WNT5B: variants seen among roughly 807,000 people sequenced by gnomAD.
WNT5B encodes the protein Wnt family member 5B, also known as protein Wnt-5b.
In WNT5B, 18 loss-of-function variants were observed where a neutral mutation model predicts 36.5. That is an observed-to-expected ratio of 0.49 (90% confidence interval 0.34 to 0.73). WNT5B has a LOEUF of 0.73. Among genes scored for constraint, WNT5B ranks in the 30% least tolerant of loss-of-function variants. The probability of loss-of-function intolerance (pLI) is 0.01; values close to 1 mark genes in which losing one functional copy is unlikely to be tolerated. For missense variants in WNT5B, 424 were observed against 508.4 expected (o/e 0.83, Z 1.60); for synonymous variants, 213 against 212.3 (o/e 1.00, Z -0.03).
At chr12:1,631,100 A>G in intron 1 of WNT5B, 198 bp from the exon 2 acceptor site, 1 of 389,330 alleles carries the variant, frequency 2.6e-6, no homozygotes, top group Non-Finnish European at 4.6e-6. Flanking sequence ...CAGGGTTCCC[A>G]CAGTTTGGGG....
rs766237184 is a variant in WNT5B at position 1,632,944 on chromosome 12, C to A, written c.328+39C>A. The A allele has an allele frequency of 1.9e-5, 30 of 1,570,232 alleles. No individual in the cohort carries two copies. The highest frequency in any genetic ancestry group is 2.5e-5 in the Non-Finnish European group (29 of 1,153,368). ...ACAAGAGGGCTCGGCCAAGGAACTG[C>A]ACTCGTCTCGTTTGGGAGCAATTAA... On this transcript the variant is annotated intron_variant, in intron 3 of 4. Coordinates refer to ENST00000397196, the MANE Select transcript of WNT5B (RefSeq NM_032642.3). This position sits in a 1 kb window ranked among gnomAD's most constrained non-coding sequence, Gnocchi z 5.8.
At chr12:1,636,533 A>ATT (rs1555159034) in intron 3 of WNT5B, among the ~76,000 whole-genome samples, 1 of 32,884 alleles carries the variant, frequency 3.0e-5, no homozygotes, top group African/African-American at 1.1e-4. Flanking sequence ...ATATATATAT[A>ATT]TATATATACT....
chr12:1,621,094 G>A (rs1434105973), intron 1 of WNT5B, among the ~76,000 whole-genome samples: 1 of 141,648 alleles, frequency 7.1e-6, no homozygotes, highest in African/African-American at 2.6e-5. Flanking sequence ...ATTTGTTAGA[G>A]AAAAAGAGGT....
In WNT5B at chr12:1,646,030, C is replaced by G; in HGVS notation, c.858C>G (p.Asp286Glu). 6.2e-7 allele frequency: 1 copy of G among 1,613,136 alleles called. No homozygotes were observed. The highest frequency in any genetic ancestry group is 8.5e-7 in the Non-Finnish European group (1 of 1,179,998). ...EDLVYVDPSP[D>E]YCLRNESTGS... The stretch of plus-strand genomic sequence containing the variant: ...TGGTCTATGTGGACCCCAGCCCCGA[C>G]TACTGCCTGCGCAACGAGAGCACGG... Residue 286 changes from aspartate (D) to glutamate (E), a missense_variant, in exon 5 of 5, where the codon GAC (aspartate) becomes GAG (glutamate). Physicochemically the swap from Asp to Glu is conservative, Grantham distance 45 (BLOSUM62 2). Transcript: ENST00000397196.
chr12:1,622,194 T>G (rs1227959421), intron 1 of WNT5B, among the ~76,000 whole-genome samples: 2 of 147,164 alleles, frequency 1.4e-5, no homozygotes, highest in African/African-American at 2.5e-5. Context: ...CACTGCAAGC[T>G]CCGCTTCCCG....
At position 1,647,157 on chromosome 12, in the gene WNT5B, C is replaced by T. The variant is rs546038065; in HGVS notation, c.*905C>T. The T allele has an allele frequency of 3.1e-4, 48 of 152,452 alleles. No homozygotes were observed. The highest frequency in any genetic ancestry group is 1.1e-3 in the African/African-American group (47 of 41,586). 9.4% of individuals were successfully genotyped at this position (152,452 alleles called of 1,614,324 possible). ...GTCAGGCTGGCGGGCCCGGCGTGCT[C>T]ATCATCTCTGCCCCAGGTGTACGGT... On this transcript the variant is annotated 3_prime_UTR_variant, in exon 5 of 5. Transcript: ENST00000397196.
At chr12:1,622,398 TTA>T (rs1216924140) in intron 1 of WNT5B, among the ~76,000 whole-genome samples, 3 of 152,292 alleles carry the variant, frequency 2.0e-5, no homozygotes, top group African/African-American at 7.2e-5. Flanking sequence ...CATTTTTACA[TTA>T]TCTTATTAAG....
intron 1 of WNT5B, among the ~76,000 whole-genome samples, chr12:1,623,463 G>A (rs1188527492): frequency 6.6e-6 from 1 of 151,968 alleles, no homozygotes; most frequent in African/African-American, 2.4e-5. Flanking sequence ...CCAAAGTGCT[G>A]GGATTACAGG....
intron 1 of WNT5B, among the ~76,000 whole-genome samples, chr12:1,620,361 C>T (rs1453335560): frequency 6.6e-6 from 1 of 152,206 alleles, no homozygotes; most frequent in Non-Finnish European, 1.5e-5. Context: ...CTTGCTTCTT[C>T]TCAATATTAT....
Position 1,631,449 on chromosome 12 carries a change from C to A in WNT5B, c.80+15C>A. 6.2e-7 allele frequency: 1 copy of A among 1,614,044 alleles called. No individual in the cohort carries two copies. The highest frequency in any genetic ancestry group is 8.5e-7 in the Non-Finnish European group (1 of 1,180,004). Reference sequence around the variant, plus strand: ...AACTCCTGGTGGTGAGTAAGAGGGGCTGAGGTCCTGCCTGCACAGCCGGAG... The same window carrying A: ...AACTCCTGGTGGTGAGTAAGAGGGGATGAGGTCCTGCCTGCACAGCCGGAG... On this transcript the variant is annotated intron_variant, in intron 2 of 4. Transcript: ENST00000397196.
intron 3 of WNT5B, among the ~76,000 whole-genome samples, chr12:1,638,906 C>G (rs148621840): frequency 4.6e-5 from 7 of 152,166 alleles, no homozygotes; most frequent in African/African-American, 1.4e-4. Flanking sequence ...GCTCATAGAG[C>G]GTGAGAAATG....
rs1463791266 is a variant in WNT5B at position 1,645,826 on chromosome 12, A to G, written c.654A>G (p.Lys218=). Residue 218 remains lysine, a synonymous_variant, in exon 5 of 5, where the codon AAA becomes AAG. Coordinates refer to ENST00000397196, the MANE Select transcript of WNT5B (RefSeq NM_032642.3). ...AVYKMADVAC[K]CHGVSGSCSL... Reference sequence around the variant, plus strand: ...ATAAGATGGCAGACGTAGCCTGCAAATGCCACGGCGTCTCGGGGTCCTGCA... The same window carrying G: ...ATAAGATGGCAGACGTAGCCTGCAAGTGCCACGGCGTCTCGGGGTCCTGCA... 2.5e-6 allele frequency: 4 copies of G among 1,599,990 alleles called. No homozygotes were observed. In the South Asian group the frequency reaches 4.5e-5, roughly 18 times the overall value.
chr12:1,627,719 GGT>G (rs1454251407), upstream of WNT5B, among the ~76,000 whole-genome samples: 3 of 152,096 alleles, frequency 2.0e-5, no homozygotes, highest in Non-Finnish European at 4.4e-5. This position sits in a 1 kb window ranked among gnomAD's most constrained non-coding sequence, Gnocchi z 5.0. Flanking sequence ...CTCTAGAGGG[GGT>G]CTTGGAGGTG....
At position 1,639,790 on chromosome 12, in the gene WNT5B, G is replaced by GACGGCGCGGCCCA. The variant is rs2094570957; in HGVS notation, c.437_449dup (p.Lys150AsnfsTer66). Reference sequence around the variant, plus strand: ...AGCTCTCCACCTGCGGCTGCAGCCGGACGGCGCGGCCCAAGGACCTGCCCC... The same window carrying GACGGCGCGGCCCA: ...AGCTCTCCACCTGCGGCTGCAGCCGGACGGCGCGGCCCAACGGCGCGGCCCAAGGACCTGCCCC... On this transcript the variant is annotated frameshift_variant, in exon 4 of 5. Transcript: ENST00000397196. LOFTEE classifies it high-confidence loss of function. 8 of 1,611,784 alleles carry GACGGCGCGGCCCA rather than the reference G, an allele frequency of 5.0e-6. No homozygotes were observed. Among genetic ancestry groups the GACGGCGCGGCCCA allele is most frequent in the Non-Finnish European group, 6.8e-6 (8 of 1,179,006 alleles).
In WNT5B at chr12:1,630,838, C is replaced by T. The variant is rs1355213281; in HGVS notation, c.-57-460C>T. ...AATTCACCAAAATGTTTTAATCCTA[C>T]AAAGGAGAGCCTGAGGGTCAGAGAA... On this transcript the variant is annotated intron_variant, in intron 1 of 4. Transcript: ENST00000397196. The surrounding 1 kb of genome is among the most constrained non-coding windows in gnomAD (Gnocchi z 5.3). The T allele has an allele frequency of 1.3e-5, 2 of 153,620 alleles. No individual in the cohort carries two copies. The highest frequency in any genetic ancestry group is 2.9e-5 in the Non-Finnish European group (2 of 68,924). 9.5% of individuals were successfully genotyped at this position (153,620 alleles called of 1,614,324 possible). A position where few individuals can be genotyped will look rare whatever the true frequency, so the allele number is the denominator to read the frequency against.
At chr12:1,640,043 C>T in intron 4 of WNT5B, 67 bp downstream of exon 4, 1 of 1,517,486 alleles carries the variant, frequency 6.6e-7, no homozygotes, top group Non-Finnish European at 8.8e-7. Context: ...GCTGTGCCAC[C>T]AGCCGTGGCC....
rs1344433202 is a variant in WNT5B at position 1,630,761 on chromosome 12, G to A, written c.-57-537G>A. On this transcript the variant is annotated intron_variant, in intron 1 of 4. Transcript: ENST00000397196. The surrounding 1 kb of genome is among the most constrained non-coding windows in gnomAD (Gnocchi z 5.3). ...GGGACTTAGGAAACCCGCTGAGGGT[G>A]AGAAGGGCGCAGATGGAGAGGGGAG... 6.5e-6 allele frequency: 1 copy of A among 152,706 alleles called. No homozygotes were observed. Among genetic ancestry groups the A allele is most frequent in the Non-Finnish European group, 1.5e-5 (1 of 68,442 alleles). 9.5% of individuals were successfully genotyped at this position (152,706 alleles called of 1,614,324 possible). A position where few individuals can be genotyped will look rare whatever the true frequency, so the allele number is the denominator to read the frequency against.
At position 1,646,794 on chromosome 12, in the gene WNT5B, G is replaced by A. The variant is rs3803163; in HGVS notation, c.*542G>A. The A allele has an allele frequency of 0.064, 9,704 of 152,244 alleles. 420 individuals are homozygous for A. Among genetic ancestry groups the A allele is most frequent in the East Asian group, 0.14 (724 of 5,182 alleles). 9.4% of individuals were successfully genotyped at this position (152,244 alleles called of 1,614,324 possible). A position where few individuals can be genotyped will look rare whatever the true frequency, so the allele number is the denominator to read the frequency against. The stretch of plus-strand genomic sequence containing the variant: ...TGCGGCATCTGCAGTTTACAGGAAC[G>A]GCTCCTTCCCTAAAATGAGAAGTCC... On this transcript the variant is annotated 3_prime_UTR_variant, in exon 5 of 5. Coordinates refer to ENST00000397196, the MANE Select transcript of WNT5B (RefSeq NM_032642.3).
upstream of WNT5B, among the ~76,000 whole-genome samples, chr12:1,627,072 C>T (rs139168707): frequency 2.6e-3 from 397 of 152,264 alleles, 3 homozygotes; most frequent in African/African-American, 8.1e-3. The surrounding 1 kb of genome is among the most constrained non-coding windows in gnomAD (Gnocchi z 5.0). Flanking sequence ...CAGATGAGCA[C>T]GCCACACTAT....
Sources: gnomAD v4.1 joint callset for allele counts (sites outside exome capture counted in the v4.1 genomes callset) on GRCh38, gnomAD v4.1.1 for gene constraint, Gnocchi (gnomAD v3.1) non-coding constraint, MANE v1.5 for transcripts, NCBI Gene and HGNC (gene_info 2026-07-23, HGNC 2026-07-21) for gene names.